MMP16: variants seen among roughly 807,000 people sequenced by gnomAD.
The protein encoded by MMP16 is matrix metallopeptidase 16.
A neutral mutation model predicts 67.8 loss-of-function variants in MMP16; 12 were observed. That is an observed-to-expected ratio of 0.18 (90% CI 0.11 to 0.29). The LOEUF (loss-of-function observed/expected upper bound fraction) is 0.29. Among genes scored for constraint, MMP16 ranks in the 10% least tolerant of loss-of-function variants. The pLI, the probability that MMP16 is intolerant of heterozygous loss-of-function variation, is 1.00. For synonymous variants in MMP16, 249 were observed against 255.9 expected (o/e 0.97, Z 0.26); for missense variants, 475 against 765.7 (o/e 0.62, Z 4.48).
chr8:88,295,727 G>T (rs545578343), intron 1 of MMP16, among the ~76,000 whole-genome samples: 1 of 152,154 alleles, frequency 6.6e-6, no homozygotes, highest in Non-Finnish European at 1.5e-5. Context: ...CGCTTAATCT[G>T]TTTTTCTAAA....
chr8:88,117,691 T>A (rs1423381188), intron 5 of MMP16, among the ~76,000 whole-genome samples: 1 of 63,684 alleles, frequency 1.6e-5, no homozygotes, highest in Non-Finnish European at 4.6e-5. Context: ...AAAACTGACC[T>A]TTTTTTACAA....
At chr8:88,229,157 T>C (rs1809817780) in intron 1 of MMP16, among the ~76,000 whole-genome samples, 1 of 151,912 alleles carries the variant, frequency 6.6e-6, no homozygotes, top group South Asian at 2.1e-4. Context: ...AGAAGATAAA[T>C]AATAGGGTCA....
intron 1 of MMP16, among the ~76,000 whole-genome samples, chr8:88,223,966 A>G (rs181672213): frequency 2.6e-3 from 401 of 152,154 alleles, no homozygotes; most frequent in Non-Finnish European, 4.6e-3. Context: ...AATGTGATGA[A>G]GGATAGGAGA....
intron 7 of MMP16, among the ~76,000 whole-genome samples, chr8:88,060,492 T>C (rs889880227): frequency 1.3e-5 from 2 of 152,138 alleles, no homozygotes; most frequent in Non-Finnish European, 2.9e-5. Context: ...ATTCATTATA[T>C]GTCATTTCAA....
chr8:88,215,375 T>C (rs1044320988), intron 1 of MMP16, among the ~76,000 whole-genome samples: 2 of 152,096 alleles, frequency 1.3e-5, no homozygotes, highest in African/African-American at 2.4e-5. Context: ...GCTATTTATT[T>C]TCCATTTGTC....
At chr8:88,181,859 G>T (rs1411785815) in intron 3 of MMP16, among the ~76,000 whole-genome samples, 2 of 151,964 alleles carry the variant, frequency 1.3e-5, no homozygotes, top group African/African-American at 4.8e-5. Flanking sequence ...CCCAAAAATT[G>T]ATCACCACAA....
intron 4 of MMP16, among the ~76,000 whole-genome samples, chr8:88,156,050 T>G (rs568589488): frequency 6.6e-6 from 1 of 152,252 alleles, no homozygotes; most frequent in Non-Finnish European, 1.5e-5. Flanking sequence ...CAAAATTAAT[T>G]TAGAATTGTG....
intron 4 of MMP16, among the ~76,000 whole-genome samples, chr8:88,154,542 A>T (rs1290929868): frequency 6.6e-6 from 1 of 151,720 alleles, no homozygotes; most frequent in Non-Finnish European, 1.5e-5. Context: ...CAGCCATAAA[A>T]AATGATGAGT....
chr8:88,166,901 T>C (rs1027364188), intron 4 of MMP16, among the ~76,000 whole-genome samples: 8 of 151,472 alleles, frequency 5.3e-5, no homozygotes, highest in Non-Finnish European at 8.8e-5. Flanking sequence ...AAGTTAATAA[T>C]AGAATAGAAA....
At chr8:88,231,936 A>C (rs981549989) in intron 1 of MMP16, among the ~76,000 whole-genome samples, 2 of 152,170 alleles carry the variant, frequency 1.3e-5, no homozygotes, top group Non-Finnish European at 2.9e-5. Flanking sequence ...AAAATCCATC[A>C]AAACATTTGA....
intron 1 of MMP16, among the ~76,000 whole-genome samples, chr8:88,262,018 G>A (rs1810395890): frequency 6.6e-6 from 1 of 152,106 alleles, no homozygotes; most frequent in South Asian, 2.1e-4. Flanking sequence ...TAAGGCAAAG[G>A]ACTATGATCT....
intron 1 of MMP16, among the ~76,000 whole-genome samples, chr8:88,276,676 T>A (rs1156809169): frequency 6.6e-6 from 1 of 152,132 alleles, no homozygotes; most frequent in East Asian, 1.9e-4. Context: ...TATAAAACAG[T>A]CATTCCTATT....
At chr8:88,281,107 A>G (rs1810727658) in intron 1 of MMP16, among the ~76,000 whole-genome samples, 1 of 152,222 alleles carries the variant, frequency 6.6e-6, no homozygotes, top group Non-Finnish European at 1.5e-5. Context: ...ATCAAGGACA[A>G]GTCTTTGCAA....
At chr8:88,065,988 A>G (rs1384520469) in intron 7 of MMP16, among the ~76,000 whole-genome samples, 2 of 152,038 alleles carry the variant, frequency 1.3e-5, no homozygotes, top group Non-Finnish European at 2.9e-5. Flanking sequence ...TCTGCCTCAT[A>G]TATTTTAGTT....
At chr8:88,168,504 A>C (rs1293835813) in intron 3 of MMP16, among the ~76,000 whole-genome samples, 6 of 152,168 alleles carry the variant, frequency 3.9e-5, no homozygotes, top group Non-Finnish European at 5.9e-5. Context: ...GTTTCTTATT[A>C]ATTCATTCTA....
chr8:88,170,194 C>T (rs1808777148), intron 3 of MMP16, among the ~76,000 whole-genome samples: 1 of 152,022 alleles, frequency 6.6e-6, no homozygotes, highest in South Asian at 2.1e-4. Context: ...TTGACCTGAG[C>T]CAAAGGATGG....
At chr8:88,080,131 G>A (rs1428075753) in intron 6 of MMP16, among the ~76,000 whole-genome samples, 4 of 152,184 alleles carry the variant, frequency 2.6e-5, no homozygotes, top group African/African-American at 9.6e-5. Context: ...GAATGGGGCA[G>A]TGCGTATTTT....
chr8:88,251,173 C>T (rs942179849), intron 1 of MMP16, among the ~76,000 whole-genome samples: 7 of 151,372 alleles, frequency 4.6e-5, no homozygotes, highest in Non-Finnish European at 2.9e-5. Context: ...AATCCAGAGC[C>T]CGCATCGCCA....
chr8:88,286,012 T>G (rs1281425862), intron 1 of MMP16, among the ~76,000 whole-genome samples: 1 of 152,214 alleles, frequency 6.6e-6, no homozygotes, highest in Non-Finnish European at 1.5e-5. Context: ...CCATTTGGGT[T>G]GAGTGTATCA....
Sources: allele counts gnomAD v4.1 joint callset (sites outside exome capture counted in the v4.1 genomes callset), GRCh38; gene constraint gnomAD v4.1.1; transcripts MANE v1.5; gene names NCBI Gene and HGNC (gene_info 2026-07-23, HGNC 2026-07-21).